Variants in CD82 observed in about 807,000 individuals in gnomAD.
The protein encoded by CD82 is CD82 antigen.
Under a neutral mutation model 37.4 loss-of-function variants are expected in CD82, and 36 were observed. The ratio of observed to expected loss-of-function variants is 0.96; its 90% confidence interval spans 0.74 to 1.27. The LOEUF is 1.27. Among genes scored for constraint, CD82 ranks in the 50% most tolerant of loss-of-function variants. The pLI, the probability that CD82 is intolerant of heterozygous loss-of-function variation, is 0.00. For synonymous variants in CD82, 158 were observed against 137.4 expected, an observed-to-expected ratio of 1.15 and a Z score of -1.05; for missense variants, 340 against 347.0, an observed-to-expected ratio of 0.98 and a Z score of 0.16.
At chr11:44,602,672 GAA>G (rs58115115) in intron 4 of CD82, among the ~76,000 whole-genome samples, 1 of 151,718 alleles carries the variant, frequency 6.6e-6, no homozygotes, top group African/African-American at 2.4e-5. Context: ...ACTAAAAGGT[GAA>G]AAAAAAATTT....
At chr11:44,590,271 C>T (rs976977780) in intron 2 of CD82, among the ~76,000 whole-genome samples, 3 of 152,012 alleles carry the variant, frequency 2.0e-5, no homozygotes, top group South Asian at 2.1e-4. Flanking sequence ...ATGTAATTTT[C>T]ATGCATTAAA....
At chr11:44,569,079 G>A (rs1249563003) in intron 1 of CD82, among the ~76,000 whole-genome samples, 1 of 152,208 alleles carries the variant, frequency 6.6e-6, no homozygotes, top group African/African-American at 2.4e-5. Flanking sequence ...TGGACTGTTT[G>A]GCCTGGGCCC....
chr11:44,564,615 C>T, upstream of CD82: 1 of 409,322 alleles, frequency 2.4e-6, no homozygotes, highest in South Asian at 1.7e-5. Context: ...TTTTGGGCCA[C>T]TTTTTCTTCA....
At chr11:44,568,114 A>G (rs1398255111) in intron 1 of CD82, among the ~76,000 whole-genome samples, 1 of 152,198 alleles carries the variant, frequency 6.6e-6, no homozygotes, top group East Asian at 1.9e-4. Flanking sequence ...TGAGGAGAGG[A>G]GTGACACAAC....
At chr11:44,576,063 G>A (rs901357153) in intron 1 of CD82, among the ~76,000 whole-genome samples, 3 of 152,178 alleles carry the variant, frequency 2.0e-5, no homozygotes, top group Non-Finnish European at 2.9e-5. Context: ...TCTGCGCTAG[G>A]ATCTTGCTCC....
intron 2 of CD82, among the ~76,000 whole-genome samples, chr11:44,589,582 G>A (rs1032555111): frequency 5.9e-5 from 9 of 152,210 alleles, no homozygotes; most frequent in African/African-American, 2.2e-4. Flanking sequence ...ATTGAGTCCT[G>A]ACTGTACCAG....
intron 9 of CD82, 53 bp from the exon 10 acceptor site, chr11:44,618,996 C>A: frequency 1.4e-6 from 2 of 1,449,908 alleles, no homozygotes; most frequent in Non-Finnish European, 1.9e-6. Context: ...GAGGCTGGGG[C>A]GTCTGAGGCC....
At chr11:44,575,026 G>C (rs1447696516) in intron 1 of CD82, among the ~76,000 whole-genome samples, 1 of 152,218 alleles carries the variant, frequency 6.6e-6, no homozygotes, top group Non-Finnish European at 1.5e-5. Context: ...TGGCTTTCCA[G>C]CTCAGATGGT....
intron 1 of CD82, among the ~76,000 whole-genome samples, chr11:44,571,808 C>A (rs1163690617): frequency 6.6e-6 from 1 of 152,200 alleles, no homozygotes; most frequent in Non-Finnish European, 1.5e-5. Flanking sequence ...CTCCTGGCCT[C>A]AAGTGATCCT....
intron 6 of CD82, among the ~76,000 whole-genome samples, chr11:44,612,259 C>T (rs969417345): frequency 6.6e-6 from 1 of 152,230 alleles, no homozygotes; most frequent in African/African-American, 2.4e-5. Context: ...TCAGCCAAGC[C>T]TGTGTGCAAA....
At chr11:44,578,494 G>A (rs1852932685) in intron 1 of CD82, among the ~76,000 whole-genome samples, 1 of 152,138 alleles carries the variant, frequency 6.6e-6, no homozygotes, top group African/African-American at 2.4e-5. Flanking sequence ...AGCTCCATGT[G>A]GCCCAGGGCC....
intron 9 of CD82, 128 bp from the exon 10 acceptor site, chr11:44,618,921 C>T: frequency 2.2e-6 from 2 of 898,802 alleles, no homozygotes; most frequent in South Asian, 1.4e-5. Flanking sequence ...CTGCTGCCTG[C>T]ATCACAGGGT....
intron 1 of CD82, among the ~76,000 whole-genome samples, chr11:44,572,061 C>CA (rs1852821769): frequency 6.6e-6 from 1 of 152,218 alleles, no homozygotes; most frequent in Non-Finnish European, 1.5e-5. Context: ...GTAAGTGAGG[C>CA]ACATGTGATG....
chr11:44,568,582 G>T (rs557807289), intron 1 of CD82, among the ~76,000 whole-genome samples: 2 of 152,312 alleles, frequency 1.3e-5, no homozygotes, highest in African/African-American at 4.8e-5. Context: ...AGCCCAGGGA[G>T]GATAGGGGTG....
chr11:44,565,691 G>A lies in CD82; in HGVS notation c.-148G>A, dbSNP rs1852722600. 6.6e-6 allele frequency: 1 copy of A among 152,158 alleles called. No individual in the cohort carries two copies. Among genetic ancestry groups the A allele is most frequent in the Admixed American group, 6.5e-5 (1 of 15,278 alleles). The allele number at this position is 152,158 out of a possible 1,614,324, so 9.4% of individuals were successfully genotyped here. On this transcript the variant is annotated 5_prime_UTR_variant, in exon 1 of 10. Coordinates refer to ENST00000227155, the MANE Select transcript of CD82 (RefSeq NM_002231.4). ...GTCCGACGCCGACTGAGGCACGAGC[G>A]GGTGACGCTGGGCCTGCAGCGCGGA...
chr11:44,605,517 C>G, intron 6 of CD82, 88 bp downstream of exon 6: 1 of 1,221,916 alleles, frequency 8.2e-7, no homozygotes, highest in South Asian at 1.2e-5. Context: ...AGGAACCCCC[C>G]CAGTTGTCAC....
At chr11:44,579,811 G>A (rs2134630661) in intron 1 of CD82, among the ~76,000 whole-genome samples, 1 of 152,340 alleles carries the variant, frequency 6.6e-6, no homozygotes, top group Non-Finnish European at 1.5e-5. Context: ...ATGGAAGTGG[G>A]TCTCTCAGGG....
At chr11:44,612,374 G>A (rs146573164) in intron 6 of CD82, among the ~76,000 whole-genome samples, 1 of 152,266 alleles carries the variant, frequency 6.6e-6, no homozygotes, top group African/African-American at 2.4e-5. Context: ...TGAATACCTA[G>A]GCCATAGGTC....
rs1470117957 is a variant in CD82 at position 44,618,737 on chromosome 11, C to T, written c.726+14C>T. ...GCCATCATCGAGGTCTGAGCCCCCT[C>T]CCCCATCCCTTCTCCATCCCAGGTC... On this transcript the variant is annotated intron_variant, in intron 9 of 9. Transcript: ENST00000227155. 6.2e-7 allele frequency: 1 copy of T among 1,603,202 alleles called. No homozygotes were observed. The highest frequency in any genetic ancestry group is 1.7e-4 in the Middle Eastern group (1 of 6,032).
Sources: allele counts gnomAD v4.1 joint callset (sites outside exome capture counted in the v4.1 genomes callset), GRCh38; gene constraint gnomAD v4.1.1; transcripts MANE v1.5; gene names NCBI Gene and HGNC (gene_info 2026-07-23, HGNC 2026-07-21).